CAMTA1: variants seen among roughly 807,000 people sequenced by gnomAD.
The protein encoded by CAMTA1 is calmodulin-binding transcription activator 1.
CAMTA1 carries 27 observed loss-of-function variants against 170.9 expected under a neutral mutation model. The observed-to-expected ratio is 0.16, with a 90% CI of 0.12 to 0.22. The LOEUF (loss-of-function observed/expected upper bound fraction) is 0.22, where lower values mean the gene tolerates loss of function less well. CAMTA1 is among the 10% of genes least tolerant of loss of function. The pLI, the probability that CAMTA1 is intolerant of heterozygous loss-of-function variation, is 1.00. For missense variants in CAMTA1, 1,619 were observed against 2,217.2 expected, an observed-to-expected ratio of 0.73 and a Z score of 5.42; for synonymous variants, 833 against 891.5, an observed-to-expected ratio of 0.93 and a Z score of 1.17.
At chr1:7,263,062 G>A (rs80341868) in intron 5 of CAMTA1, among the ~76,000 whole-genome samples, 3 of 152,252 alleles carry the variant, frequency 2.0e-5, no homozygotes, top group East Asian at 3.9e-4. Flanking sequence ...GTTTGGAAAC[G>A]AGATGCGACA....
At chr1:7,258,140 G>T (rs1460844246) in intron 5 of CAMTA1, among the ~76,000 whole-genome samples, 2 of 152,166 alleles carry the variant, frequency 1.3e-5, no homozygotes, top group Non-Finnish European at 1.5e-5. Context: ...AGAAATTCAA[G>T]CCTTCTTCTG....
chr1:7,324,192 T>C (rs1013855641), intron 5 of CAMTA1, among the ~76,000 whole-genome samples: 1 of 152,228 alleles, frequency 6.6e-6, no homozygotes, highest in Admixed American at 6.5e-5. Context: ...TGTACACAAG[T>C]TCAGAGTTGT....
chr1:7,599,565 C>T (rs560060807), intron 6 of CAMTA1, among the ~76,000 whole-genome samples: 127 of 152,270 alleles, frequency 8.3e-4, no homozygotes, highest in African/African-American at 2.8e-3. Context: ...ATTCTTCCTA[C>T]CCATGAGCAT....
Position 7,482,507 on chromosome 1 carries a change from C to T in CAMTA1, c.510+14606C>T, listed in dbSNP as rs2093554661. On this transcript the variant is annotated intron_variant, in intron 6 of 22. Transcript: ENST00000303635. The surrounding 1 kb of genome is among the most constrained non-coding windows in gnomAD (Gnocchi z 4.2). ...TGTGTCCCCACCTCCCTCCATCCTC[C>T]TGAAGAGGGAGAAGACATGCTCTTT... 6.6e-6 allele frequency among the ~76,000 whole-genome samples: 1 copy of T among 152,196 alleles called. No homozygotes were observed. The highest frequency in any genetic ancestry group is 2.4e-5 in the African/African-American group (1 of 41,444).
chr1:7,339,082 TC>T (rs1049015017), intron 5 of CAMTA1, among the ~76,000 whole-genome samples: 10 of 152,104 alleles, frequency 6.6e-5, no homozygotes, highest in African/African-American at 2.4e-4. Context: ...CTCCGCCCCC[TC>T]CCACCAGGCC....
intron 1 of CAMTA1, among the ~76,000 whole-genome samples, chr1:6,804,221 T>C (rs556800503): frequency 4.0e-5 from 6 of 150,266 alleles, no homozygotes; most frequent in African/African-American, 1.5e-4. Context: ...TCTCAATATG[T>C]TGCCCAGGCT....
intron 5 of CAMTA1, among the ~76,000 whole-genome samples, chr1:7,421,620 C>G (rs575772171): frequency 1.7e-4 from 26 of 152,326 alleles, no homozygotes; most frequent in Admixed American, 1.4e-3. Flanking sequence ...CGGCCTCCCC[C>G]TCTTGGGCTG....
chr1:7,357,299 C>T (rs1416725588), intron 5 of CAMTA1, among the ~76,000 whole-genome samples: 1 of 152,260 alleles, frequency 6.6e-6, no homozygotes, highest in African/African-American at 2.4e-5. Flanking sequence ...AGGACCCAAC[C>T]TCCCTGCCCA....
chr1:7,679,853 T>C (rs1425886160), intron 11 of CAMTA1, among the ~76,000 whole-genome samples: 1 of 152,196 alleles, frequency 6.6e-6, no homozygotes, highest in African/African-American at 2.4e-5. Context: ...AGAGAGCAGA[T>C]CAGGGCCCTG....
chr1:7,309,550 C>T (rs1041437520), intron 5 of CAMTA1, among the ~76,000 whole-genome samples: 10 of 151,890 alleles, frequency 6.6e-5, no homozygotes, highest in African/African-American at 2.4e-5. Context: ...CCGCCCGCCT[C>T]GGCCTCCCAA....
At chr1:6,932,612 C>A (rs543816654) in intron 3 of CAMTA1, among the ~76,000 whole-genome samples, 1 of 152,196 alleles carries the variant, frequency 6.6e-6, no homozygotes, top group Non-Finnish European at 1.5e-5. Context: ...ATCCCCACTG[C>A]GGGGTATGAG....
chr1:7,201,898 A>G (rs1000084202), intron 4 of CAMTA1, among the ~76,000 whole-genome samples: 5 of 152,090 alleles, frequency 3.3e-5, no homozygotes, highest in Non-Finnish European at 5.9e-5. Flanking sequence ...AAGAAGCCCC[A>G]TGTGTCTATT....
At chr1:7,043,647 C>A (rs1704847850) in intron 3 of CAMTA1, among the ~76,000 whole-genome samples, 1 of 152,268 alleles carries the variant, frequency 6.6e-6, no homozygotes, top group South Asian at 2.1e-4. Context: ...TATATGGTGA[C>A]GTTTTTCAGT....
intron 3 of CAMTA1, among the ~76,000 whole-genome samples, chr1:7,059,308 G>C (rs1457903531): frequency 6.6e-6 from 1 of 152,166 alleles, no homozygotes; most frequent in Non-Finnish European, 1.5e-5. Context: ...AACAAATCTG[G>C]GGAAGTTAGA....
At chr1:7,066,729 C>T (rs1165561303) in intron 3 of CAMTA1, among the ~76,000 whole-genome samples, 8 of 152,332 alleles carry the variant, frequency 5.3e-5, no homozygotes, top group East Asian at 1.9e-4. Flanking sequence ...ATCTGCGACA[C>T]GGGACGGTCA....
At chr1:7,379,484 G>A (rs763220901) in intron 5 of CAMTA1, among the ~76,000 whole-genome samples, 1 of 152,214 alleles carries the variant, frequency 6.6e-6, no homozygotes, top group Non-Finnish European at 1.5e-5. Context: ...CTTTGGTGAT[G>A]TAATTTAAAT....
At chr1:7,646,577 T>A (rs1366957047) in intron 7 of CAMTA1, among the ~76,000 whole-genome samples, 1 of 145,260 alleles carries the variant, frequency 6.9e-6, no homozygotes, top group East Asian at 2.1e-4. Flanking sequence ...GAGGCCCTGG[T>A]GAGTTGGGTG....
chr1:7,743,411 C>G (rs1007318204), intron 16 of CAMTA1, among the ~76,000 whole-genome samples: 10 of 152,060 alleles, frequency 6.6e-5, no homozygotes, highest in African/African-American at 2.4e-4. Context: ...TACAGCTGAG[C>G]AACCATCACC....
chr1:7,095,355 C>A (rs1324191850), intron 4 of CAMTA1, among the ~76,000 whole-genome samples: 7 of 152,050 alleles, frequency 4.6e-5, no homozygotes, highest in Non-Finnish European at 1.0e-4. Context: ...TGGTTTTCTC[C>A]ACTTCAGTTT....
Sources: gnomAD v4.1 joint callset for allele counts (sites outside exome capture counted in the v4.1 genomes callset) on GRCh38, gnomAD v4.1.1 for gene constraint, Gnocchi (gnomAD v3.1) non-coding constraint, MANE v1.5 for transcripts, NCBI Gene and HGNC (gene_info 2026-07-23, HGNC 2026-07-21) for gene names.